SCARB2: variants seen among roughly 807,000 people sequenced by gnomAD.
SCARB2 encodes the protein scavenger receptor class B member 2, also known as lysosome membrane protein 2.
SCARB2 carries 29 observed loss-of-function variants against 58.6 expected under a neutral mutation model. That is an observed-to-expected ratio of 0.49 (90% CI 0.37 to 0.67). SCARB2 has a LOEUF of 0.67. Ranked by LOEUF, SCARB2 falls within the 30% of genes least tolerant of loss-of-function variation. SCARB2 has a pLI of 0.00. For synonymous variants in SCARB2, 195 were observed against 210.1 expected, an observed-to-expected ratio of 0.93 and a Z score of 0.62; for missense variants, 488 against 578.5, an observed-to-expected ratio of 0.84 and a Z score of 1.60.
Position 76,213,474 on chromosome 4 carries a change from G to T in SCARB2, c.70C>A (p.Leu24Met). The T allele has an allele frequency of 6.2e-7, 1 of 1,610,974 alleles. No homozygotes were observed. The highest frequency in any genetic ancestry group is 8.5e-7 in the Non-Finnish European group (1 of 1,178,658). ...GCCTTCTGGAAGACCCGGGCCACCA[G>T]CAGCGTGACGCTGGTCACCAGCAGG... ...LLLLVTSVTL[L>M]VARVFQKAVD... Residue 24 changes from leucine to methionine, a missense_variant, in exon 1 of 12, where the codon CTG becomes ATG. Transcript: ENST00000264896.
chr4:76,201,745 A>G lies in SCARB2; in HGVS notation c.118-5881T>C, dbSNP rs192684826. ...GAATTAGCAGGGTCTATTTTTATGC[A>G]TAATTAATATGCCAAAGGCACACAA... On this transcript the variant is annotated intron_variant, in intron 1 of 11. Coordinates refer to ENST00000264896, the MANE Select transcript of SCARB2 (RefSeq NM_005506.4). Among the ~76,000 whole-genome samples, 20 of 152,344 alleles carry G rather than the reference A, an allele frequency of 1.3e-4. No individual in the cohort carries two copies. The South Asian group carries it at 1.5e-3, about 11-fold the overall frequency.
chr4:76,213,497 A>G lies in SCARB2; in HGVS notation c.47T>C (p.Leu16Pro). The G allele has an allele frequency of 6.2e-7, 1 of 1,611,422 alleles. No homozygotes were observed. The highest frequency in any genetic ancestry group is 8.5e-7 in the Non-Finnish European group (1 of 1,178,972). ...CAGCAGCGTGACGCTGGTCACCAGC[A>G]GGAGCAGGGACAACGTCCCCGCCGT... ...FYTAGTLSLL[L>P]LVTSVTLLVA... Residue 16 changes from leucine (L) to proline (P), a missense_variant, in exon 1 of 12, where the codon CTG (leucine) becomes CCG (proline). Transcript: ENST00000264896.
At chr4:76,222,625 T>A (rs1733329398) in intron 1 of SCARB2, among the ~76,000 whole-genome samples, 1 of 151,968 alleles carries the variant, frequency 6.6e-6, no homozygotes, top group South Asian at 2.1e-4. Context: ...CAGAGGAGGG[T>A]TTTGGTCCTT....
intron 1 of SCARB2, among the ~76,000 whole-genome samples, chr4:76,197,310 C>G (rs1732733718): frequency 6.6e-6 from 1 of 152,218 alleles, no homozygotes; most frequent in East Asian, 1.9e-4. Flanking sequence ...GGTGGAATGG[C>G]AATGTATCAA....
intron 1 of SCARB2, among the ~76,000 whole-genome samples, chr4:76,221,675 T>G (rs1312314469): frequency 2.0e-5 from 3 of 152,174 alleles, no homozygotes; most frequent in Non-Finnish European, 4.4e-5. Flanking sequence ...ATACCGCATG[T>G]TATCACTTAT....
intron 2 of SCARB2, among the ~76,000 whole-genome samples, chr4:76,189,713 CT>C (rs1732563617): frequency 6.6e-6 from 1 of 152,144 alleles, no homozygotes; most frequent in South Asian, 2.1e-4. Flanking sequence ...CTCAAGTGAT[CT>C]GCCTACCTTG....
At chr4:76,172,135 A>C (rs1732143681) in intron 7 of SCARB2, among the ~76,000 whole-genome samples, 1 of 148,852 alleles carries the variant, frequency 6.7e-6, no homozygotes, top group South Asian at 2.1e-4. Flanking sequence ...TAACATATAC[A>C]TACATAAATA....
At chr4:76,177,339 T>TA (rs1208141818) in intron 4 of SCARB2, among the ~76,000 whole-genome samples, 2,216 of 137,138 alleles carry the variant, frequency 0.016, 38 homozygotes, top group African/African-American at 0.054. Flanking sequence ...GGAGGGCAAT[T>TA]AAAAAAAAAA....
Position 76,169,963 on chromosome 4 carries a change from G to GA in SCARB2, c.1016dup (p.His341ThrfsTer7), listed in dbSNP as rs886041077. 3 of 1,613,886 alleles carry GA rather than the reference G, an allele frequency of 1.9e-6. No individual in the cohort carries two copies. In the Admixed American group the frequency reaches 5.0e-5, roughly 27 times the overall value. On this transcript the variant is annotated frameshift_variant, in exon 8 of 12. Coordinates refer to ENST00000264896, the MANE Select transcript of SCARB2 (RefSeq NM_005506.4). LOFTEE classifies it high-confidence loss of function. ...TCTCATCTGCTTGGTAAAAGTGTGG[G>GA]AAAGACATAATGATGGGTGCACCTG...
At chr4:76,221,992 T>G (rs188092206) in intron 1 of SCARB2, among the ~76,000 whole-genome samples, 84 of 152,298 alleles carry the variant, frequency 5.5e-4, no homozygotes, top group African/African-American at 2.0e-3. Flanking sequence ...TAACAATAGG[T>G]GACTACCATG....
At chr4:76,197,505 G>A (rs1047854128) in intron 1 of SCARB2, among the ~76,000 whole-genome samples, 3 of 150,192 alleles carry the variant, frequency 2.0e-5, no homozygotes, top group African/African-American at 7.6e-5. Flanking sequence ...GTTCCACTGA[G>A]CCAGCTGAGC....
intron 1 of SCARB2, among the ~76,000 whole-genome samples, chr4:76,231,274 T>C (rs1033858496): frequency 2.0e-5 from 3 of 152,192 alleles, no homozygotes; most frequent in Admixed American, 6.5e-5. Flanking sequence ...ATCCTATTCA[T>C]TCCCATCACC....
At position 76,159,197 on chromosome 4, in the gene SCARB2, C is replaced by T. The variant is rs951790333; in HGVS notation, c.*2516G>A. 12 of 152,278 alleles carry T rather than the reference C, an allele frequency of 7.9e-5. No homozygotes were observed. Among genetic ancestry groups the T allele is most frequent in the African/African-American group, 2.9e-4 (12 of 41,536 alleles). The allele number at this position is 152,278 out of a possible 1,614,324, so 9.4% of individuals were successfully genotyped here. A position where few individuals can be genotyped will look rare whatever the true frequency, so the allele number is the denominator to read the frequency against. ...CTCTCTAAGTTGAGGATCATGGTAC[C>T]AGAAGCTTGCATTCTGTGATCATGA... On this transcript the variant is annotated 3_prime_UTR_variant, in exon 12 of 12. Coordinates refer to ENST00000264896, the MANE Select transcript of SCARB2 (RefSeq NM_005506.4).
chr4:76,167,152 A>T (rs1240175538), intron 9 of SCARB2, among the ~76,000 whole-genome samples: 1 of 152,214 alleles, frequency 6.6e-6, no homozygotes, highest in East Asian at 1.9e-4. Context: ...TGGGGAAGTA[A>T]GGCTAGACTC....
intron 8 of SCARB2, 30 bp from the exon 9 acceptor site, chr4:76,168,506 T>A: frequency 6.3e-7 from 1 of 1,589,292 alleles, no homozygotes; most frequent in Non-Finnish European, 8.6e-7. Context: ...AAAGGAAACA[T>A]TAGGATTTAT....
chr4:76,172,175 A>G (rs1430782715), intron 7 of SCARB2, among the ~76,000 whole-genome samples: 1 of 148,710 alleles, frequency 6.7e-6, no homozygotes, highest in Non-Finnish European at 1.5e-5. Context: ...ACTAGTCTTC[A>G]AGATGAAAAA....
chr4:76,184,758 A>G (rs72857048), intron 2 of SCARB2: 30,617 of 375,710 alleles, frequency 0.081, 1,784 homozygotes, highest in African/African-American at 0.17. Context: ...TTCCAGCATG[A>G]GCAACAGAGC....
In SCARB2 at chr4:76,221,017, A is replaced by G. The variant is rs986659848; in HGVS notation, c.-358+13286T>C. On this transcript the variant is annotated intron_variant, in intron 1 of 11. Transcript: ENST00000638295. ...GAAACTGTACAACTCACAGGCCCCA[A>G]GGTCCCTCACTGATTCCTAATCAAC... Among the ~76,000 whole-genome samples, 12 of 152,304 alleles carry G rather than the reference A, an allele frequency of 7.9e-5. No homozygotes were observed. The East Asian group carries it at 2.3e-3, about 29-fold the overall frequency.
At chr4:76,208,703 G>C (rs1440841024) in intron 1 of SCARB2, among the ~76,000 whole-genome samples, 1 of 152,132 alleles carries the variant, frequency 6.6e-6, no homozygotes, top group Non-Finnish European at 1.5e-5. Context: ...CTTGCCCTTT[G>C]ATTTCTATGA....
Sources: allele counts gnomAD v4.1 joint callset (sites outside exome capture counted in the v4.1 genomes callset), GRCh38; gene constraint gnomAD v4.1.1; transcripts MANE v1.5; gene names NCBI Gene and HGNC (gene_info 2026-07-23, HGNC 2026-07-21).